DCHS2: variants seen among roughly 807,000 people sequenced by gnomAD.
DCHS2 encodes the protein dachsous cadherin-related 2.
In DCHS2, 142 loss-of-function variants were observed where a neutral mutation model predicts 182.4. That is an observed-to-expected ratio of 0.78 (90% CI 0.68 to 0.89). The LOEUF (loss-of-function observed/expected upper bound fraction) is 0.89. Among genes scored for constraint, DCHS2 ranks in the 40% least tolerant of loss-of-function variants. DCHS2 has a pLI of 0.00. For synonymous variants in DCHS2, 1,740 were observed against 1,663.3 expected (o/e 1.05, Z -1.12); for missense variants, 4,319 against 4,198.6 (o/e 1.03, Z -0.79).
At chr4:154,456,718 C>T (rs555584206) in intron 1 of DCHS2, among the ~76,000 whole-genome samples, 37 of 152,074 alleles carry the variant, frequency 2.4e-4, no homozygotes, top group Non-Finnish European at 4.4e-4. Flanking sequence ...TCAAGGAAGA[C>T]GTTCTATAAA....
At chr4:154,309,967 A>G (rs939916292) in intron 10 of DCHS2, among the ~76,000 whole-genome samples, 17 of 152,200 alleles carry the variant, frequency 1.1e-4, no homozygotes, top group Non-Finnish European at 5.9e-5. Flanking sequence ...CTGTAACTCA[A>G]GTCATGGTTA....
In DCHS2 at chr4:154,320,764, T is replaced by G; in HGVS notation, c.4635A>C (p.Arg1545Ser). 1 of 1,614,110 alleles carries G rather than the reference T, an allele frequency of 6.2e-7. No individual in the cohort carries two copies. Among genetic ancestry groups the G allele is most frequent in the Non-Finnish European group, 8.5e-7 (1 of 1,180,000 alleles). Residue 1545 changes from arginine (R) to serine (S), a missense_variant, in exon 9 of 20, where the codon AGA becomes AGC. Coordinates refer to ENST00000357232, the MANE Select transcript of DCHS2 (RefSeq NM_001358235.2). ...KDDDGSFLNS[R>S]IQYYIESHNP... ...TGTGGGATTCAATGTAGTATTGTATTCTACTGTTCAAAAAACTGCCGTCAT... is the reference window on the plus strand; with the variant it reads ...TGTGGGATTCAATGTAGTATTGTATGCTACTGTTCAAAAAACTGCCGTCAT...
Position 154,233,178 on chromosome 4 carries a change from C to G in DCHS2, c.*1358G>C, listed in dbSNP as rs538263439. On this transcript the variant is annotated 3_prime_UTR_variant, in exon 20 of 20. Transcript: ENST00000357232. Reference sequence around the variant, plus strand: ...ACATTAGAATTCCTAAACTGTTAGCCTAACACCTGGCCCTCATGCTGACCA... The same window carrying G: ...ACATTAGAATTCCTAAACTGTTAGCGTAACACCTGGCCCTCATGCTGACCA... The G allele has an allele frequency of 6.6e-6, 1 of 152,246 alleles. No individual in the cohort carries two copies. Among genetic ancestry groups the G allele is most frequent in the Admixed American group, 6.5e-5 (1 of 15,280 alleles). 9.4% of individuals were successfully genotyped at this position (152,246 alleles called of 1,614,324 possible).
At chr4:154,381,399 G>A (rs565796323) in intron 1 of DCHS2, among the ~76,000 whole-genome samples, 8 of 151,882 alleles carry the variant, frequency 5.3e-5, no homozygotes, top group South Asian at 2.1e-4. Flanking sequence ...ATACACTTTC[G>A]CCACTCCTAT....
intron 3 of DCHS2, among the ~76,000 whole-genome samples, chr4:154,359,564 A>G (rs141360089): frequency 2.6e-5 from 4 of 152,082 alleles, no homozygotes; most frequent in African/African-American, 9.6e-5. Flanking sequence ...ACAGATACAA[A>G]CCAAAAGCTA....
rs1731681389 is a variant in DCHS2 at position 154,239,174 on chromosome 4, C to T, written c.7488G>A (p.Lys2496=). The change falls in exon 19 of 20, where the codon AAG becomes AAA. Residue 2496 remains lysine, a synonymous_variant. Transcript: ENST00000357232. ...ATGCAATTATAAATAACTCACCATT[C>T]TTAGGATCAATGGAGAATTCCTTAG... is the stretch of plus-strand genomic sequence containing the variant. The part of the protein sequence containing the change: ...SSSKEFSIDP[K]NGTIFTISPV... 3.7e-6 allele frequency: 6 copies of T among 1,611,276 alleles called. No homozygotes were observed. The highest frequency in any genetic ancestry group is 5.1e-6 in the Non-Finnish European group (6 of 1,179,048).
chr4:154,255,407 GA>G, intron 16 of DCHS2, 111 bp downstream of exon 16: 2 of 1,382,918 alleles, frequency 1.4e-6, no homozygotes, highest in Non-Finnish European at 1.9e-6. Flanking sequence ...GGATCAAAGG[GA>G]TAACACATTT....
chr4:154,331,837 G>T, intron 5 of DCHS2: 1 of 1,030,692 alleles, frequency 9.7e-7, no homozygotes, highest in South Asian at 3.4e-5. Context: ...TTCATTGTAA[G>T]GATTAAATAA....
At chr4:154,244,914 C>A (rs1256597876) in intron 16 of DCHS2, among the ~76,000 whole-genome samples, 7 of 152,104 alleles carry the variant, frequency 4.6e-5, no homozygotes, top group African/African-American at 1.7e-4. Flanking sequence ...GCTGCTTGCC[C>A]CTTCCAATGT....
chr4:154,407,889 C>A (rs1732465148), intron 1 of DCHS2, among the ~76,000 whole-genome samples: 1 of 152,186 alleles, frequency 6.6e-6, no homozygotes, highest in Non-Finnish European at 1.5e-5. Flanking sequence ...CCTGCATTTT[C>A]TCTTTTTTCA....
chr4:154,329,647 A>T lies in DCHS2; in HGVS notation c.3794T>A (p.Leu1265Gln). ...TGGTGGGGAGCCGCGGTCTGTCACTAGCACAGTCATCTCATGGTGCCCCCG... is the reference window on the plus strand; with the variant it reads ...TGGTGGGGAGCCGCGGTCTGTCACTTGCACAGTCATCTCATGGTGCCCCCG... ...EHRGHHEMTV[L>Q]VTDRGSPPRN... Residue 1265 changes from leucine (L) to glutamine (Q), a missense_variant, in exon 6 of 20, where the codon CTA becomes CAA. Physicochemically the swap from Leu to Gln is moderately radical, Grantham distance 113 (BLOSUM62 -2). Coordinates refer to ENST00000357232, the MANE Select transcript of DCHS2 (RefSeq NM_001358235.2). The T allele has an allele frequency of 6.2e-7, 1 of 1,612,478 alleles. No homozygotes were observed. Among genetic ancestry groups the T allele is most frequent in the East Asian group, 2.2e-5 (1 of 44,868 alleles).
rs1401853319 is a variant in DCHS2 at position 154,356,305 on chromosome 4, G to GT, written c.2476+9904dup. On this transcript the variant is annotated intron_variant, in intron 3 of 19. Transcript: ENST00000357232. ...ATATGGTTGTACAACTATACAATGT[G>GT]TTTGTCTTTCAAGCTAAGTGTTACT... 3.9e-5 allele frequency among the ~76,000 whole-genome samples: 6 copies of GT among 152,164 alleles called. No homozygotes were observed. In the East Asian group the frequency reaches 9.6e-4, roughly 24 times the overall value.
chr4:154,422,109 G>C (rs545202579), intron 1 of DCHS2, among the ~76,000 whole-genome samples: 3 of 152,084 alleles, frequency 2.0e-5, no homozygotes, highest in African/African-American at 7.2e-5. Context: ...AGTCTCCTAG[G>C]CTGATGCACC....
intron 1 of DCHS2, among the ~76,000 whole-genome samples, chr4:154,462,346 A>G (rs1397389890): frequency 1.3e-5 from 2 of 152,198 alleles, no homozygotes; most frequent in Non-Finnish European, 2.9e-5. Flanking sequence ...GACTACGAAC[A>G]ATCACACTTT....
chr4:154,408,207 CAT>C (rs1019565155), intron 1 of DCHS2, among the ~76,000 whole-genome samples: 1 of 152,198 alleles, frequency 6.6e-6, no homozygotes, highest in African/African-American at 2.4e-5. Flanking sequence ...ACACTTCTCT[CAT>C]GTGTGAAATA....
chr4:154,325,922 T>A (rs113869580), intron 7 of DCHS2, among the ~76,000 whole-genome samples: 406 of 152,352 alleles, frequency 2.7e-3, no homozygotes, highest in Non-Finnish European at 4.9e-3. Context: ...GTAAAATCCT[T>A]GCCTTCCTTG....
intron 1 of DCHS2, among the ~76,000 whole-genome samples, chr4:154,395,586 C>T (rs987340087): frequency 1.3e-5 from 2 of 152,192 alleles, no homozygotes; most frequent in Non-Finnish European, 2.9e-5. Context: ...GTTCCCACTG[C>T]CCAGTAGGGT....
intron 7 of DCHS2, 175 bp from the exon 8 acceptor site, chr4:154,322,663 T>G: frequency 1.2e-6 from 1 of 854,890 alleles, no homozygotes; most frequent in Non-Finnish European, 1.7e-6. Context: ...TAAAAATTTT[T>G]ATTATGGAAA....
At chr4:154,293,666 C>G (rs1277762729) in intron 13 of DCHS2, among the ~76,000 whole-genome samples, 3 of 152,144 alleles carry the variant, frequency 2.0e-5, no homozygotes, top group Admixed American at 6.5e-5. Context: ...ACATAAATCA[C>G]CACAGTATCC....
Sources: gnomAD v4.1 joint callset for allele counts (sites outside exome capture counted in the v4.1 genomes callset) on GRCh38, gnomAD v4.1.1 for gene constraint, MANE v1.5 for transcripts, NCBI Gene and HGNC (gene_info 2026-07-23, HGNC 2026-07-21) for gene names.